ZFAND3: variants seen among roughly 807,000 people sequenced by gnomAD.
The protein encoded by ZFAND3 is AN1-type zinc finger protein 3.
A neutral mutation model predicts 29.6 loss-of-function variants in ZFAND3; 10 were observed. The ratio of observed to expected loss-of-function variants is 0.34; its 90% CI spans 0.21 to 0.57. ZFAND3 has a LOEUF of 0.57. Ranked by LOEUF, ZFAND3 falls within the 20% of genes least tolerant of loss-of-function variation. The pLI is 0.86. For synonymous variants in ZFAND3, 128 were observed against 112.6 expected (o/e 1.14, Z -0.87); for missense variants, 230 against 304.5 (o/e 0.76, Z 1.82).
chr6:37,917,182 G>T (rs1761275259), intron 1 of ZFAND3, among the ~76,000 whole-genome samples: 1 of 152,170 alleles, frequency 6.6e-6, no homozygotes, highest in Non-Finnish European at 1.5e-5. Context: ...TCAGGCTTCT[G>T]CTGGGAGTCT....
intron 1 of ZFAND3, among the ~76,000 whole-genome samples, chr6:37,823,366 C>G (rs899790743): frequency 6.6e-6 from 1 of 152,168 alleles, no homozygotes; most frequent in Non-Finnish European, 1.5e-5. Context: ...AGCCAGGGCG[C>G]ACACCCAGCC....
intron 2 of ZFAND3, among the ~76,000 whole-genome samples, chr6:38,005,499 T>A (rs1360725671): frequency 6.6e-6 from 1 of 152,210 alleles, no homozygotes; most frequent in Non-Finnish European, 1.5e-5. Context: ...TAGATCAGAA[T>A]CATGTAATGT....
chr6:37,833,852 T>G (rs369461450), intron 1 of ZFAND3, among the ~76,000 whole-genome samples: 1 of 150,376 alleles, frequency 6.6e-6, no homozygotes, highest in African/African-American at 2.4e-5. Context: ...AAGGACTTCA[T>G]TTTTGAAAAG....
chr6:37,930,507 C>A (rs1761574402), intron 2 of ZFAND3, among the ~76,000 whole-genome samples: 1 of 152,190 alleles, frequency 6.6e-6, no homozygotes, highest in Non-Finnish European at 1.5e-5. Context: ...CCAGCCTGGG[C>A]AACATAGTGA....
At chr6:38,120,939 C>T (rs1262988654) in intron 5 of ZFAND3, among the ~76,000 whole-genome samples, 2 of 152,298 alleles carry the variant, frequency 1.3e-5, no homozygotes, top group African/African-American at 4.8e-5. Flanking sequence ...ACTGTCAAAC[C>T]AAATTCATCA....
chr6:37,912,228 T>A (rs1212990660), intron 1 of ZFAND3, among the ~76,000 whole-genome samples: 1 of 152,064 alleles, frequency 6.6e-6, no homozygotes, highest in Non-Finnish European at 1.5e-5. Context: ...TGAGTTGAAT[T>A]CTGTCAGTCG....
At chr6:38,040,385 T>A (rs529308166) in intron 2 of ZFAND3, among the ~76,000 whole-genome samples, 2 of 151,362 alleles carry the variant, frequency 1.3e-5, no homozygotes, top group South Asian at 4.1e-4. Context: ...TTCTTAAAGT[T>A]CATTCATATT....
At chr6:37,970,859 C>T (rs1581801421) in intron 2 of ZFAND3, among the ~76,000 whole-genome samples, 1 of 152,156 alleles carries the variant, frequency 6.6e-6, no homozygotes, top group South Asian at 2.1e-4. Context: ...GAGCTGAGAT[C>T]GCACCACTGC....
chr6:37,984,486 T>TA (rs1762631842), intron 2 of ZFAND3, among the ~76,000 whole-genome samples: 1 of 152,324 alleles, frequency 6.6e-6, no homozygotes, highest in Admixed American at 6.5e-5. Flanking sequence ...GAAAGCAAAC[T>TA]AAAAATTTGA....
At chr6:38,025,700 G>A (rs1040690206) in intron 2 of ZFAND3, among the ~76,000 whole-genome samples, 4 of 152,136 alleles carry the variant, frequency 2.6e-5, no homozygotes, top group South Asian at 2.1e-4. Flanking sequence ...AAAGAATGAA[G>A]CACTGATACA....
chr6:38,050,688 T>G (rs1764009502), intron 2 of ZFAND3, among the ~76,000 whole-genome samples: 1 of 152,150 alleles, frequency 6.6e-6, no homozygotes, highest in African/African-American at 2.4e-5. Flanking sequence ...CTTTTCTTTA[T>G]AAGTTACCCA....
At chr6:37,821,545 G>A (rs10456096) in intron 1 of ZFAND3, among the ~76,000 whole-genome samples, 44,998 of 152,098 alleles carry the variant, frequency 0.3, 7,425 homozygotes, top group Non-Finnish European at 0.38. Flanking sequence ...CACACAGGGA[G>A]TGTAGGGTGG....
intron 2 of ZFAND3, among the ~76,000 whole-genome samples, chr6:37,988,667 T>C (rs1762709693): frequency 6.6e-6 from 1 of 152,244 alleles, no homozygotes; most frequent in Non-Finnish European, 1.5e-5. Flanking sequence ...ATATCTTACA[T>C]TGATTTGTCT....
intron 2 of ZFAND3, among the ~76,000 whole-genome samples, chr6:37,968,470 T>A (rs1204118816): frequency 6.6e-6 from 1 of 150,522 alleles, no homozygotes; most frequent in Non-Finnish European, 1.5e-5. Context: ...TGAAGCTGGG[T>A]GTTAATATGG....
At chr6:37,913,708 CTTTTTTTT>C (rs56045448) in intron 1 of ZFAND3, among the ~76,000 whole-genome samples, 8 of 113,042 alleles carry the variant, frequency 7.1e-5, no homozygotes, top group African/African-American at 2.0e-4. Flanking sequence ...CAGCTATATT[CTTTTTTTT>C]TTTTTTTTTT....
chr6:37,896,532 TTC>T (rs1261737930), intron 1 of ZFAND3, among the ~76,000 whole-genome samples: 1 of 119,886 alleles, frequency 8.3e-6, no homozygotes, highest in Non-Finnish European at 1.7e-5. Flanking sequence ...CTTTCTTTCT[TTC>T]TTTCTTTCTT....
rs947787121 is a variant in ZFAND3, at chr6:37,819,955, G to A, written c.10G>A (p.Ala4Thr). 2.5e-6 allele frequency: 3 copies of A among 1,223,202 alleles called. No individual in the cohort carries two copies. The highest frequency in any genetic ancestry group is 3.1e-6 in the Non-Finnish European group (3 of 983,452). 75.8% of individuals were successfully genotyped at this position (1,223,202 alleles called of 1,614,324 possible). ...GCCGCCGCCGAGCACCATGGGAGAC[G>A]CTGGGAGCGAGCGCAGCAAAGCGCC... MGD[A>T]GSERSKAPSL... Residue 4 changes from alanine (A) to threonine (T), a missense_variant, in exon 1 of 6, where the codon GCT becomes ACT. Ala to Thr is a moderately conservative substitution (Grantham distance 58). This residue lies in a region of ZFAND3 where 180 missense variants were observed against 202.5 expected (regional missense o/e 0.89). Transcript: ENST00000287218.
intron 2 of ZFAND3, among the ~76,000 whole-genome samples, chr6:38,022,176 A>G (rs994530): frequency 0.065 from 9,928 of 152,294 alleles, 396 homozygotes; most frequent in Non-Finnish European, 0.093. Flanking sequence ...CAGAATCTGT[A>G]TTTTAACAAG....
chr6:38,019,464 G>GT, intron 2 of ZFAND3, among the ~76,000 whole-genome samples: 1 of 151,766 alleles, frequency 6.6e-6, no homozygotes, highest in Admixed American at 6.6e-5. Flanking sequence ...TATACTGTGT[G>GT]TTGCAAATAT....
Sources: allele counts gnomAD v4.1 joint callset (sites outside exome capture counted in the v4.1 genomes callset), GRCh38; gene constraint gnomAD v4.1.1; regional missense constraint gnomAD v4.1.1; transcripts MANE v1.5; gene names NCBI Gene and HGNC (gene_info 2026-07-23, HGNC 2026-07-21).